Variants in MYH11 observed in about 807,000 individuals in gnomAD.
The protein encoded by MYH11 is myosin heavy chain 11.
In MYH11, 80 loss-of-function variants were observed where a neutral mutation model predicts 246.6. The observed-to-expected ratio is 0.32, with a 90% CI of 0.27 to 0.39. The LOEUF is 0.39. Among genes scored for constraint, MYH11 ranks in the 10% least tolerant of loss-of-function variants. The probability of loss-of-function intolerance (pLI) is 1.00; values close to 1 mark genes in which losing one functional copy is unlikely to be tolerated. For missense variants in MYH11, 2,158 were observed against 2,546.8 expected, an observed-to-expected ratio of 0.85 and a Z score of 3.29; for synonymous variants, 1,071 against 1,015.5, an observed-to-expected ratio of 1.05 and a Z score of -1.04.
chr16:15,726,769 C>G (rs2040783050), intron 28 of MYH11, 79 bp downstream of exon 28: 3 of 1,546,220 alleles, frequency 1.9e-6, no homozygotes, highest in Non-Finnish European at 2.7e-6. Flanking sequence ...GAGACCTCAG[C>G]GAGCCGGGAA....
chr16:15,813,569 T>C (rs1567193878), intron 3 of MYH11, among the ~76,000 whole-genome samples: 1 of 152,146 alleles, frequency 6.6e-6, no homozygotes, highest in Non-Finnish European at 1.5e-5. Context: ...CCATGATTAT[T>C]ATTATCACTT....
intron 6 of MYH11, among the ~76,000 whole-genome samples, chr16:15,780,462 T>C (rs1318267626): frequency 6.8e-6 from 1 of 146,710 alleles, no homozygotes; most frequent in Non-Finnish European, 1.5e-5. Context: ...TTTATGACTT[T>C]AGATTTTTAC....
intron 3 of MYH11, among the ~76,000 whole-genome samples, chr16:15,808,965 A>G (rs1427298981): frequency 6.6e-6 from 1 of 152,036 alleles, no homozygotes; most frequent in Non-Finnish European, 1.5e-5. Context: ...AGGAAAACCA[A>G]CGCTCTCCCT....
chr16:15,844,238 G>A (rs144081853), intron 1 of MYH11, among the ~76,000 whole-genome samples: 4 of 152,212 alleles, frequency 2.6e-5, no homozygotes, highest in Non-Finnish European at 4.4e-5. Flanking sequence ...ATGCTCTGTC[G>A]CCCAGCTAGA....
chr16:15,804,709 T>C (rs2042969991), intron 3 of MYH11, among the ~76,000 whole-genome samples: 1 of 152,198 alleles, frequency 6.6e-6, no homozygotes. Flanking sequence ...TTGCTTTCTG[T>C]CTCTATGGTC....
rs761426006 is a variant in MYH11, at chr16:15,741,591, C to A, written c.2731G>T (p.Val911Leu). The A allele has an allele frequency of 1.2e-6, 2 of 1,612,752 alleles. No individual in the cohort carries two copies. The highest frequency in any genetic ancestry group is 1.7e-6 in the Non-Finnish European group (2 of 1,180,030). The change falls in exon 22 of 41, where the codon GTG becomes TTG. Residue 911 changes from valine (V) to leucine (L), a missense_variant. By Grantham distance (32) the Val-to-Leu change is conservative (BLOSUM62 1). This residue lies in a region of MYH11 where 284 missense variants were observed against 315.4 expected (regional missense o/e 0.90). Transcript: ENST00000300036. ...ELYAEAEEMR[V>L]RLAAKKQELE... ...TCCTGCTTCTTGGCCGCCAGCCGCA[C>A]CCGCATCTCCTCAGCCTCTGCATAC...
intron 19 of MYH11, among the ~76,000 whole-genome samples, chr16:15,746,214 A>G (rs997487069): frequency 5.9e-5 from 9 of 151,906 alleles, no homozygotes; most frequent in African/African-American, 2.2e-4. Flanking sequence ...GGTGTCAGCT[A>G]CCACACCCAG....
rs376963730 is a variant in MYH11, at chr16:15,711,342, G to A, written c.5786+3567C>T. The stretch of plus-strand genomic sequence containing the variant: ...AAGTCTAATTATGATGTCAGAGAGA[G>A]TCTATTTGGTGCTAATGGCTGTTGT... On this transcript the variant is annotated intron_variant, in intron 40 of 40. Coordinates refer to ENST00000300036, the MANE Select transcript of MYH11 (RefSeq NM_002474.3). 9.2e-5 allele frequency: 14 copies of A among 152,182 alleles called. 2 individuals are homozygous for A. Among genetic ancestry groups the A allele is most frequent in the Admixed American group, 7.2e-4 (11 of 15,272 alleles). 9.4% of individuals were successfully genotyped at this position (152,182 alleles called of 1,614,324 possible). A position where few individuals can be genotyped will look rare whatever the true frequency, so the allele number is the denominator to read the frequency against.
intron 1 of MYH11, among the ~76,000 whole-genome samples, chr16:15,849,823 C>T (rs1254599771): frequency 6.6e-6 from 1 of 152,204 alleles, no homozygotes; most frequent in Admixed American, 6.5e-5. Context: ...AGTAACGAGT[C>T]TCAGCTTTGC....
rs1180179941 is a variant in MYH11 at position 15,724,794 on chromosome 16, C to T, written c.3969G>A (p.Leu1323=). ...LSSQLQDTQE[L]LQEETRQKLN... ...GCTTCTGCCGGGTTTCTTCTTGAAG[C>T]AGCTCCTGCAAAAGGGATGCAAAGA... The change falls in exon 30 of 41, where the codon CTG becomes CTA. Residue 1323 remains leucine, a synonymous_variant. Coordinates refer to ENST00000300036, the MANE Select transcript of MYH11 (RefSeq NM_002474.3). 6.2e-7 allele frequency: 1 copy of T among 1,613,938 alleles called. No individual in the cohort carries two copies. The highest frequency in any genetic ancestry group is 8.5e-7 in the Non-Finnish European group (1 of 1,180,032).
intron 1 of MYH11, among the ~76,000 whole-genome samples, chr16:15,846,774 T>C (rs1212156066): frequency 6.6e-6 from 1 of 152,152 alleles, no homozygotes; most frequent in Non-Finnish European, 1.5e-5. Flanking sequence ...GTCAACATGG[T>C]GAAACCTTGT....
intron 20 of MYH11, chr16:15,742,146 C>T: frequency 1.7e-6 from 1 of 583,668 alleles, no homozygotes; most frequent in African/African-American, 1.8e-5. Flanking sequence ...TTAGTCACCC[C>T]AAAATATCAA....
At chr16:15,735,290 G>C (rs2041083114) in intron 26 of MYH11, 76 bp downstream of exon 26, 1 of 1,527,968 alleles carries the variant, frequency 6.5e-7, no homozygotes, top group Non-Finnish European at 9.1e-7. Context: ...GATTTGCTTT[G>C]GGTTTGTCCC....
chr16:15,843,340 C>G lies in MYH11; in HGVS notation c.-17-5071G>C, dbSNP rs556390931. 2.6e-5 allele frequency among the ~76,000 whole-genome samples: 4 copies of G among 151,240 alleles called. No homozygotes were observed. The East Asian group carries it at 7.8e-4, about 30-fold the overall frequency. On this transcript the variant is annotated intron_variant, in intron 1 of 40. Transcript: ENST00000300036. ...GAGCCGAGATCATGCCACTGTACTCCAGCCTGGACAACAGAGCAAGACTTT... is the reference window on the plus strand; with the variant it reads ...GAGCCGAGATCATGCCACTGTACTCGAGCCTGGACAACAGAGCAAGACTTT...
intron 8 of MYH11, among the ~76,000 whole-genome samples, chr16:15,773,254 G>C (rs2042145984): frequency 6.6e-6 from 1 of 150,788 alleles, no homozygotes; most frequent in Admixed American, 6.6e-5. Flanking sequence ...AGGCAAAAAT[G>C]CAGCTTTCTT....
chr16:15,732,714 T>C lies in MYH11; in HGVS notation c.3507-6A>G, dbSNP rs1207841308. The C allele has an allele frequency of 2.5e-6, 4 of 1,614,130 alleles. No homozygotes were observed. The highest frequency in any genetic ancestry group is 3.4e-6 in the Non-Finnish European group (4 of 1,180,016). Reference sequence around the variant, plus strand: ...CCTCCTGCTCCCTCTTGGCCCTTGGTGGGAGGAACACAGTGAATGGCAGTT... The same window carrying C: ...CCTCCTGCTCCCTCTTGGCCCTTGGCGGGAGGAACACAGTGAATGGCAGTT... On this transcript the variant is annotated splice_polypyrimidine_tract_variant and splice_region_variant and intron_variant, in intron 26 of 40. Coordinates refer to ENST00000300036, the MANE Select transcript of MYH11 (RefSeq NM_002474.3).
intron 2 of MYH11, among the ~76,000 whole-genome samples, chr16:15,837,375 C>A (rs2043925995): frequency 6.6e-6 from 1 of 152,150 alleles, no homozygotes; most frequent in African/African-American, 2.4e-5. Flanking sequence ...GATTGTCACA[C>A]CTCCTGTCTG....
intron 26 of MYH11, 105 bp downstream of exon 26, chr16:15,735,261 T>C: frequency 7.9e-7 from 1 of 1,262,008 alleles, no homozygotes; most frequent in Non-Finnish European, 1.2e-6. Flanking sequence ...GGAAGGTAAA[T>C]GCACAGGGGC....
intron 31 of MYH11, 94 bp from the exon 32 acceptor site, chr16:15,721,728 T>C (rs2040496007): frequency 7.7e-7 from 1 of 1,295,834 alleles, no homozygotes; most frequent in African/African-American, 1.5e-5. Flanking sequence ...TCCTGCTGAA[T>C]GTATTGAGGT....
Sources: gnomAD v4.1 joint callset for allele counts (sites outside exome capture counted in the v4.1 genomes callset) on GRCh38, gnomAD v4.1.1 for gene constraint, gnomAD v4.1.1 regional missense constraint, MANE v1.5 for transcripts, NCBI Gene and HGNC (gene_info 2026-07-23, HGNC 2026-07-21) for gene names.